Variants in HID1 observed in about 807,000 individuals in gnomAD.
The protein encoded by HID1 is protein HID1.
Under a neutral mutation model 89.7 loss-of-function variants are expected in HID1, and 42 were observed. That is an observed-to-expected ratio of 0.47 (90% CI 0.37 to 0.61). The LOEUF (loss-of-function observed/expected upper bound fraction) is 0.61. HID1 is among the 20% of genes least tolerant of loss of function. The pLI is 0.00. For synonymous variants in HID1, 442 were observed against 433.8 expected (o/e 1.02, Z -0.24); for missense variants, 854 against 1,039.3 (o/e 0.82, Z 2.45).
rs1176389073 is a variant in HID1, at chr17:74,958,354, T to C, written c.1365A>G (p.Thr455=). Reference sequence around the variant, plus strand: ...CAATGAGCAGGTCGGCGTGGGTCCCTGTGAAGACTGGGATGTCCATGGGCA... The same window carrying C: ...CAATGAGCAGGTCGGCGTGGGTCCCCGTGAAGACTGGGATGTCCATGGGCA... ...IRVPMDIPVF[T]GTHADLLIVV... The change falls in exon 11 of 19, where the codon ACA becomes ACG. Residue 455 remains threonine (T), a synonymous_variant. Coordinates refer to ENST00000425042, the MANE Select transcript of HID1 (RefSeq NM_030630.3). The surrounding 1 kb of genome is among the most constrained non-coding windows in gnomAD (Gnocchi z 5.2). 6.2e-6 allele frequency: 10 copies of C among 1,613,156 alleles called. No individual in the cohort carries two copies. Among genetic ancestry groups the C allele is most frequent in the African/African-American group, 1.3e-5 (1 of 75,042 alleles).
intron 1 of HID1, among the ~76,000 whole-genome samples, chr17:74,966,699 C>T (rs2039568945): frequency 6.6e-6 from 1 of 152,078 alleles, no homozygotes; most frequent in African/African-American, 2.4e-5. Context: ...TCTGTAATCC[C>T]AGCACTTTGG....
At chr17:74,963,931 A>G (rs968966392) in intron 2 of HID1, 21 bp from the exon 3 acceptor site, 2 of 1,613,086 alleles carry the variant, frequency 1.2e-6, no homozygotes, top group Non-Finnish European at 1.7e-6. Flanking sequence ...AGGCAGGAGC[A>G]GAGGGCAGGC....
chr17:74,961,463 T>C (rs964627656), intron 6 of HID1: 1 of 152,230 alleles, frequency 6.6e-6, no homozygotes, highest in Admixed American at 6.5e-5. Context: ...AGATACGGTT[T>C]CACCATGTTG....
intron 14 of HID1, among the ~76,000 whole-genome samples, chr17:74,953,881 C>T (rs112447928): frequency 0.022 from 3,378 of 151,832 alleles, 119 homozygotes; most frequent in African/African-American, 0.078. Flanking sequence ...CATGCTAAGC[C>T]CATCCAGTAC....
At chr17:74,969,867 C>T (rs554488573) in intron 1 of HID1, among the ~76,000 whole-genome samples, 1 of 151,720 alleles carries the variant, frequency 6.6e-6, no homozygotes, top group South Asian at 2.1e-4. Flanking sequence ...TCCCAAAGTG[C>T]TGGGATTACA....
chr17:74,957,965 CAT>C, intron 12 of HID1, 174 bp downstream of exon 12: 1 of 598,772 alleles, frequency 1.7e-6, no homozygotes, highest in African/African-American at 1.9e-5. Context: ...ATAGATAAAA[CAT>C]ATTATTCAAT....
At chr17:74,964,398 G>A in intron 2 of HID1, 85 bp downstream of exon 2, 1 of 1,445,702 alleles carries the variant, frequency 6.9e-7, no homozygotes, top group African/African-American at 1.4e-5. Context: ...GCCCCTGTGG[G>A]GCGGGAGGCC....
Position 74,958,471 on chromosome 17 carries a change from C to T in HID1, c.1248G>A (p.Val416=). 6.3e-7 allele frequency: 1 copy of T among 1,594,082 alleles called. No homozygotes were observed. Among genetic ancestry groups the T allele is most frequent in the South Asian group, 1.1e-5 (1 of 88,448 alleles). The change falls in exon 11 of 19, where the codon GTG becomes GTA. Residue 416 remains valine (V), a synonymous_variant. Transcript: ENST00000425042. The surrounding 1 kb of genome is among the most constrained non-coding windows in gnomAD (Gnocchi z 5.2). ...TGAAGACACCAATGTGCATCAGGCCCACCCGAGCTGCGGCAGGTGGCGTGG... is the reference window on the plus strand; with the variant it reads ...TGAAGACACCAATGTGCATCAGGCCTACCCGAGCTGCGGCAGGTGGCGTGG... ...LNDARADQSR[V]GLMHIGVFIL...
In HID1 at chr17:74,951,561, G is replaced by A. The variant is rs1191076736; in HGVS notation, c.*9C>T. On this transcript the variant is annotated 3_prime_UTR_variant, in exon 19 of 19. Coordinates refer to ENST00000425042, the MANE Select transcript of HID1 (RefSeq NM_030630.3). ...TTCCCCTAGACTGAGCCCCTCGTCG[G>A]CTTCATCCTCACACCCGCTGTATCT... 1 of 1,609,308 alleles carries A rather than the reference G, an allele frequency of 6.2e-7. No individual in the cohort carries two copies. The highest frequency in any genetic ancestry group is 8.5e-7 in the Non-Finnish European group (1 of 1,177,896).
At chr17:74,955,759 C>G (rs1388516379) in intron 13 of HID1, 33 bp downstream of exon 13, 1 of 1,608,216 alleles carries the variant, frequency 6.2e-7, no homozygotes, top group East Asian at 2.2e-5. Flanking sequence ...CGCTGGCCAC[C>G]CTGACCACCA....
chr17:74,972,485 C>A lies in HID1; in HGVS notation c.66+106G>T, dbSNP rs1054785254. 2.5e-5 allele frequency: 27 copies of A among 1,082,534 alleles called. No individual in the cohort carries two copies. Among genetic ancestry groups the A allele is most frequent in the African/African-American group, 4.9e-5 (3 of 61,454 alleles). 67.1% of individuals were successfully genotyped at this position (1,082,534 alleles called of 1,614,324 possible). On this transcript the variant is annotated intron_variant, in intron 1 of 18. Transcript: ENST00000425042. The surrounding 1 kb of genome is among the most constrained non-coding windows in gnomAD (Gnocchi z 6.4). Reference sequence around the variant, plus strand: ...GCTGGCCTTGGCGTTACGCTCGGGGCCCGCCCGTCCCCCCATCTCCCGACG... The same window carrying A: ...GCTGGCCTTGGCGTTACGCTCGGGGACCGCCCGTCCCCCCATCTCCCGACG...
intron 1 of HID1, among the ~76,000 whole-genome samples, chr17:74,969,196 C>G (rs1459378785): frequency 6.6e-6 from 1 of 151,438 alleles, no homozygotes; most frequent in Non-Finnish European, 1.5e-5. Context: ...AATATCTGAT[C>G]TTTTTTTTTC....
At chr17:74,968,373 G>A (rs556335189) in intron 1 of HID1, among the ~76,000 whole-genome samples, 3 of 152,280 alleles carry the variant, frequency 2.0e-5, no homozygotes, top group African/African-American at 4.8e-5. Context: ...CCTGGCCACA[G>A]AGCAGGGCTG....
chr17:74,969,932 T>TC (rs2039621140), intron 1 of HID1, among the ~76,000 whole-genome samples: 1 of 145,244 alleles, frequency 6.9e-6, no homozygotes. Context: ...CTTTTTTTTT[T>TC]TTTTTTTTGA....
intron 12 of HID1, among the ~76,000 whole-genome samples, chr17:74,957,773 G>A (rs149987848): frequency 3.3e-4 from 50 of 151,836 alleles, no homozygotes; most frequent in East Asian, 2.5e-3. Context: ...GGTGGCACAC[G>A]CCTGTAATCC....
chr17:74,962,944 G>A lies in HID1; in HGVS notation c.504+21C>T, dbSNP rs570825257. On this transcript the variant is annotated intron_variant, in intron 4 of 18. Transcript: ENST00000425042. The surrounding 1 kb of genome is among the most constrained non-coding windows in gnomAD (Gnocchi z 4.3). The stretch of plus-strand genomic sequence containing the variant: ...ACCAGAGCCTACTCCGCCTGGGGGT[G>A]GGGGGCTGGGGGACACTCACCACAG... The A allele has an allele frequency of 1.3e-6, 2 of 1,551,166 alleles. No individual in the cohort carries two copies. Among genetic ancestry groups the A allele is most frequent in the Non-Finnish European group, 1.8e-6 (2 of 1,128,060 alleles).
In HID1 at chr17:74,962,405, A is replaced by C. The variant is rs1598628189; in HGVS notation, c.505-65T>G. On this transcript the variant is annotated intron_variant, in intron 4 of 18. Coordinates refer to ENST00000425042, the MANE Select transcript of HID1 (RefSeq NM_030630.3). The surrounding 1 kb of genome is among the most constrained non-coding windows in gnomAD (Gnocchi z 4.3). ...GAGGTGAACAGCAGCCTGGGTCAGA[A>C]CCTGGCCACCTCGAGCCTCACACAG... 2.8e-6 allele frequency: 3 copies of C among 1,070,726 alleles called. No homozygotes were observed. The highest frequency in any genetic ancestry group is 2.8e-6 in the Non-Finnish European group (2 of 719,282). The allele number at this position is 1,070,726 out of a possible 1,614,324, so 66.3% of individuals were successfully genotyped here.
Position 74,962,202 on chromosome 17 carries a change from C to T in HID1, c.611+32G>A. 1 of 1,548,472 alleles carries T rather than the reference C, an allele frequency of 6.5e-7. No individual in the cohort carries two copies. The highest frequency in any genetic ancestry group is 8.9e-7 in the Non-Finnish European group (1 of 1,127,262). On this transcript the variant is annotated intron_variant, in intron 5 of 18. Coordinates refer to ENST00000425042, the MANE Select transcript of HID1 (RefSeq NM_030630.3). This position sits in a 1 kb window ranked among gnomAD's most constrained non-coding sequence, Gnocchi z 4.3. ...GGGGGCCCGGCCCGGGGTCCAGCTG[C>T]ATTGAGGGCTCCGGGCCTGGGCGAA...
chr17:74,953,163 C>T, intron 15 of HID1, 77 bp from the exon 16 acceptor site: 16 of 1,202,196 alleles, frequency 1.3e-5, no homozygotes, highest in Non-Finnish European at 1.9e-5. Flanking sequence ...TGAGCCCTCT[C>T]CACTGGCAGC....
Sources: gnomAD v4.1 joint callset for allele counts (sites outside exome capture counted in the v4.1 genomes callset) on GRCh38, gnomAD v4.1.1 for gene constraint, Gnocchi (gnomAD v3.1) non-coding constraint, MANE v1.5 for transcripts, NCBI Gene and HGNC (gene_info 2026-07-23, HGNC 2026-07-21) for gene names.